Variants in PLAAT3 observed in about 807,000 individuals in gnomAD.
PLAAT3 encodes the protein Ca-independent phospholipase A1/2.
In PLAAT3, 21 loss-of-function variants were observed where a neutral mutation model predicts 16.7. The ratio of observed to expected loss-of-function variants is 1.26; its 90% CI spans 0.89 to 1.81. The LOEUF is 1.81. Among genes scored for constraint, PLAAT3 ranks in the 40% most tolerant of loss-of-function variants. The probability of loss-of-function intolerance (pLI) is 0.00; values close to 1 mark genes in which losing one functional copy is unlikely to be tolerated. For synonymous variants in PLAAT3, 76 were observed against 81.7 expected (o/e 0.93, Z 0.38); for missense variants, 219 against 213.7 (o/e 1.02, Z -0.16).
intron 4 of PLAAT3, among the ~76,000 whole-genome samples, chr11:63,582,337 A>T (rs564979868): frequency 6.6e-6 from 1 of 152,232 alleles, no homozygotes; most frequent in Non-Finnish European, 1.5e-5. Flanking sequence ...CCAGGATGAC[A>T]GCCATGCAAT....
chr11:63,600,593 TTTTG>T (rs1251800423), intron 2 of PLAAT3, among the ~76,000 whole-genome samples: 1 of 148,102 alleles, frequency 6.8e-6, no homozygotes, highest in Non-Finnish European at 1.5e-5. Context: ...GTTTTTTTTG[TTTTG>T]TTTTGTTTTG....
rs1414407288 is a variant in PLAAT3 at position 63,590,202 on chromosome 11, C to A, written c.285G>T (p.Arg95=). The A allele has an allele frequency of 2.5e-6, 4 of 1,614,202 alleles. No individual in the cohort carries two copies. The Admixed American group carries it at 6.7e-5, about 27-fold the overall frequency. ...SPLPCSKIIQ[R]AEELVGQEVL... Reference sequence around the variant, plus strand: ...CCTCCTGCCCCACCAGCTCCTCCGCCCGCTGGATGATTTTGCTGCAGGGCA... The same window carrying A: ...CCTCCTGCCCCACCAGCTCCTCCGCACGCTGGATGATTTTGCTGCAGGGCA... Residue 95 remains arginine (R), a synonymous_variant, in exon 4 of 5, where the codon CGG becomes CGT. Coordinates refer to ENST00000415826, the MANE Select transcript of PLAAT3 (RefSeq NM_001128203.2).
chr11:63,615,017 A>AATATATAT (rs1338719563), upstream of PLAAT3, among the ~76,000 whole-genome samples: 176 of 17,386 alleles, frequency 0.01, 18 homozygotes, highest in East Asian at 0.046. Context: ...TCAGTCTCAA[A>AATATATAT]ATATATATAT....
At chr11:63,602,050 G>A (rs1225316996) in intron 2 of PLAAT3, among the ~76,000 whole-genome samples, 1 of 151,294 alleles carries the variant, frequency 6.6e-6, no homozygotes, top group Non-Finnish European at 1.5e-5. Context: ...CACTTTGGGA[G>A]GCCGAGGCAG....
chr11:63,615,064 G>GTATA (rs1476710356), upstream of PLAAT3, among the ~76,000 whole-genome samples: 2 of 8,284 alleles, frequency 2.4e-4, no homozygotes, highest in African/African-American at 2.9e-4. Flanking sequence ...GTATATATAT[G>GTATA]TGTGTATATA....
At chr11:63,587,136 C>T (rs918436002) in intron 4 of PLAAT3, among the ~76,000 whole-genome samples, 8 of 152,114 alleles carry the variant, frequency 5.3e-5, no homozygotes, top group African/African-American at 1.9e-4. Flanking sequence ...ATAAGAAAAT[C>T]AGCAAAGCAG....
intron 2 of PLAAT3, among the ~76,000 whole-genome samples, chr11:63,610,046 G>A (rs1019230607): frequency 7.9e-5 from 12 of 152,158 alleles, no homozygotes; most frequent in African/African-American, 2.7e-4. Context: ...CTAAGGTCTC[G>A]GAGCTCCCCG....
intron 4 of PLAAT3, among the ~76,000 whole-genome samples, chr11:63,589,129 C>A (rs1590687732): frequency 6.6e-6 from 1 of 151,830 alleles, no homozygotes; most frequent in Admixed American, 6.6e-5. Context: ...TGAGTATTAT[C>A]ATTCGTACTT....
At chr11:63,584,508 G>GT (rs59460211) in intron 4 of PLAAT3, among the ~76,000 whole-genome samples, 139 of 140,266 alleles carry the variant, frequency 9.9e-4, no homozygotes, top group Non-Finnish European at 1.7e-3. Flanking sequence ...TTTTTTTTTT[G>GT]TTTTTTTTTG....
chr11:63,588,151 C>A (rs998433700), intron 4 of PLAAT3, among the ~76,000 whole-genome samples: 8 of 151,286 alleles, frequency 5.3e-5, no homozygotes, highest in Admixed American at 4.6e-4. Flanking sequence ...CTCACTGCAA[C>A]CTCTGCCTCC....
At position 63,578,875 on chromosome 11, in the gene PLAAT3, A is replaced by G. The variant is rs957451371; in HGVS notation, c.388-3829T>C. Among the ~76,000 whole-genome samples the G allele has an allele frequency of 1.3e-4, 19 of 151,932 alleles. No homozygotes were observed. The East Asian group carries it at 2.3e-3, about 19-fold the overall frequency. On this transcript the variant is annotated intron_variant, in intron 4 of 4. Transcript: ENST00000415826. ...ACGAAAGCCAAAATTGACAAATGGG[A>G]TCTAATTAAACTAAAGAGCTTCTGC...
chr11:63,614,069 C>T lies in PLAAT3; in HGVS notation c.-54-1G>A. ...AGGCTCGATTTCGCTGCGTAGATGTCTGAGGCAGGGGGAGCAGGGATTTAT... is the reference window on the plus strand; with the variant it reads ...AGGCTCGATTTCGCTGCGTAGATGTTTGAGGCAGGGGGAGCAGGGATTTAT... On this transcript the variant is annotated splice_acceptor_variant, in intron 1 of 4. Coordinates refer to ENST00000415826, the MANE Select transcript of PLAAT3 (RefSeq NM_001128203.2). LOFTEE classifies it low-confidence loss of function (5UTR_SPLICE). 1 of 1,613,108 alleles carries T rather than the reference C, an allele frequency of 6.2e-7. No homozygotes were observed. The highest frequency in any genetic ancestry group is 1.7e-4 in the Middle Eastern group (1 of 6,060).
chr11:63,613,482 C>T (rs1203473336), intron 2 of PLAAT3, among the ~76,000 whole-genome samples: 1 of 152,242 alleles, frequency 6.6e-6, no homozygotes, highest in Non-Finnish European at 1.5e-5. Context: ...TGGATTTGAA[C>T]TTGATGAGAG....
At chr11:63,600,604 T>A (rs1038664508) in intron 2 of PLAAT3, among the ~76,000 whole-genome samples, 2 of 151,750 alleles carry the variant, frequency 1.3e-5, no homozygotes, top group African/African-American at 4.8e-5. Flanking sequence ...TTTGTTTTGT[T>A]TTGTTTTGTT....
At chr11:63,585,587 C>A (rs547559884) in intron 4 of PLAAT3, among the ~76,000 whole-genome samples, 1 of 152,132 alleles carries the variant, frequency 6.6e-6, no homozygotes, top group African/African-American at 2.4e-5. Context: ...GCTGAGAAAC[C>A]CCTATCCTAG....
intron 2 of PLAAT3, among the ~76,000 whole-genome samples, chr11:63,603,703 TACACACACAC>T (rs67821162): frequency 0.17 from 20,224 of 116,812 alleles, 1,880 homozygotes; most frequent in Admixed American, 0.23. Context: ...TAAATTATCC[TACACACACAC>T]ACACACACAC....
At chr11:63,602,093 G>A (rs929539676) in intron 2 of PLAAT3, among the ~76,000 whole-genome samples, 10 of 151,404 alleles carry the variant, frequency 6.6e-5, no homozygotes, top group African/African-American at 1.7e-4. Flanking sequence ...TTTGAGACGA[G>A]CCTGGCCAAT....
At chr11:63,591,319 T>G (rs140205287) in intron 3 of PLAAT3, among the ~76,000 whole-genome samples, 1 of 152,152 alleles carries the variant, frequency 6.6e-6, no homozygotes, top group Non-Finnish European at 1.5e-5. Context: ...GAGGTTTAGG[T>G]TGCAGTCAGC....
intron 2 of PLAAT3, among the ~76,000 whole-genome samples, chr11:63,603,545 T>C (rs923616370): frequency 6.6e-6 from 1 of 151,898 alleles, no homozygotes; most frequent in Admixed American, 6.6e-5. Flanking sequence ...ATGGGGTTGA[T>C]CTGTGCAGCA....
Sources: gnomAD v4.1 joint callset for allele counts (sites outside exome capture counted in the v4.1 genomes callset) on GRCh38, gnomAD v4.1.1 for gene constraint, MANE v1.5 for transcripts, NCBI Gene and HGNC (gene_info 2026-07-23, HGNC 2026-07-21) for gene names.